The following SYNPO2 variants were observed in gnomAD, a reference collection of about 807,000 sequenced individuals.
SYNPO2 encodes synaptopodin 2.
A neutral mutation model predicts 85.0 loss-of-function variants in SYNPO2; 56 were observed. That is an observed-to-expected ratio of 0.66 (90% CI 0.53 to 0.82). The LOEUF is 0.82. SYNPO2 is among the 40% of genes least tolerant of loss of function. SYNPO2 has a pLI of 0.00. For missense variants in SYNPO2, 1,575 were observed against 1,534.2 expected (o/e 1.03, Z -0.44); for synonymous variants, 602 against 591.1 (o/e 1.02, Z -0.27).
chr4:118,855,124 C>CAA (rs71595325), intron 1 of SYNPO2, among the ~76,000 whole-genome samples: 2 of 137,278 alleles, frequency 1.5e-5, no homozygotes, highest in Admixed American at 7.0e-5. Flanking sequence ...TTTACTAAAG[C>CAA]AAAAAAAAAA....
chr4:118,932,635 C>T (rs912084613), intron 1 of SYNPO2, among the ~76,000 whole-genome samples: 3 of 152,216 alleles, frequency 2.0e-5, no homozygotes, highest in East Asian at 1.9e-4. Context: ...GGTTCACGTT[C>T]GGCAGAAAAT....
chr4:118,955,381 T>C (rs181993950), intron 1 of SYNPO2, among the ~76,000 whole-genome samples: 3 of 152,266 alleles, frequency 2.0e-5, no homozygotes, highest in Admixed American at 2.0e-4. Context: ...AAATGATAAT[T>C]CAGCAATATG....
At chr4:118,892,219 G>A (rs918477176) in intron 1 of SYNPO2, among the ~76,000 whole-genome samples, 4 of 151,980 alleles carry the variant, frequency 2.6e-5, no homozygotes, top group Admixed American at 2.6e-4. Context: ...TGTCATTGAC[G>A]GTTAAGCTCA....
At chr4:118,898,185 A>C (rs1306895926) in intron 1 of SYNPO2, among the ~76,000 whole-genome samples, 1 of 152,162 alleles carries the variant, frequency 6.6e-6, no homozygotes, top group Non-Finnish European at 1.5e-5. Flanking sequence ...AGTTCAAGAC[A>C]TATCAGAGGT....
chr4:119,020,153 C>T (rs1363631872), intron 1 of SYNPO2, among the ~76,000 whole-genome samples: 1 of 150,870 alleles, frequency 6.6e-6, no homozygotes, highest in Admixed American at 6.6e-5. Context: ...TTGAAGAGTT[C>T]TATAAAAAAT....
intron 1 of SYNPO2, among the ~76,000 whole-genome samples, chr4:119,018,833 G>A (rs1028685840): frequency 6.6e-6 from 1 of 152,148 alleles, no homozygotes; most frequent in Non-Finnish European, 1.5e-5. Flanking sequence ...ACAAAGAAAT[G>A]ATAAATATTT....
intron 1 of SYNPO2, among the ~76,000 whole-genome samples, chr4:118,915,791 A>G (rs544716551): frequency 4.6e-4 from 70 of 152,320 alleles, no homozygotes; most frequent in African/African-American, 1.6e-3. Flanking sequence ...TTACATTTCC[A>G]CCAACAATAT....
intron 1 of SYNPO2, among the ~76,000 whole-genome samples, chr4:118,926,166 G>T (rs736693): frequency 0.2 from 30,730 of 152,022 alleles, 3,258 homozygotes; most frequent in African/African-American, 0.27. Context: ...CGCAACTGGG[G>T]ATTATAGGAG....
chr4:118,940,774 G>C (rs1023519494), intron 1 of SYNPO2, among the ~76,000 whole-genome samples: 2 of 152,150 alleles, frequency 1.3e-5, no homozygotes, highest in African/African-American at 4.8e-5. Flanking sequence ...GAGTGAGGCT[G>C]GGAGGAAGTG....
chr4:119,014,816 T>C (rs1293556985), intron 1 of SYNPO2, among the ~76,000 whole-genome samples: 2 of 152,230 alleles, frequency 1.3e-5, no homozygotes, highest in Non-Finnish European at 2.9e-5. Context: ...TCTGATGTGA[T>C]TAAATCCCCC....
At chr4:118,994,338 G>T (rs747403195) in intron 1 of SYNPO2, among the ~76,000 whole-genome samples, 1 of 152,246 alleles carries the variant, frequency 6.6e-6, no homozygotes, top group Non-Finnish European at 1.5e-5. Context: ...TGAACATCTT[G>T]TAGAGGAGAG....
At chr4:118,972,473 T>G (rs1735575812) in intron 1 of SYNPO2, among the ~76,000 whole-genome samples, 1 of 152,136 alleles carries the variant, frequency 6.6e-6, no homozygotes, top group South Asian at 2.1e-4. Flanking sequence ...TTCTGAGATT[T>G]CAAGCAGAAT....
chr4:118,952,214 A>G (rs1305958476), intron 1 of SYNPO2, among the ~76,000 whole-genome samples: 4 of 152,240 alleles, frequency 2.6e-5, no homozygotes, highest in African/African-American at 9.6e-5. Context: ...GATGTATGCA[A>G]TCTGTCTATC....
In SYNPO2 at chr4:118,917,402, CA is replaced by C. The variant is rs553516906; in HGVS notation, c.105+28264del. Among the ~76,000 whole-genome samples, 650 of 152,002 alleles carry C rather than the reference CA, an allele frequency of 4.3e-3. 7 individuals carry two copies. Among genetic ancestry groups the C allele is most frequent in the Non-Finnish European group, 6.1e-3 (411 of 67,914 alleles). ...GTGAAACTCCATCTCGAACAGAAAA[CA>C]AACCAACCAACAAACAAAAAAAACA... On this transcript the variant is annotated intron_variant, in intron 1 of 4. Coordinates refer to ENST00000307142, the MANE Select transcript of SYNPO2 (RefSeq NM_133477.3).
chr4:118,869,203 C>T lies in SYNPO2; in HGVS notation c.12+18263C>T, dbSNP rs143994810. ...TCCCAAGTAGCTGGGATTACAGGCA[C>T]GCGCCACCACACCTGGCTTATTTTT... is the stretch of plus-strand genomic sequence containing the variant. On this transcript the variant is annotated intron_variant, in intron 1 of 4. Coordinates refer to the SYNPO2 transcript ENST00000610556. Among the ~76,000 whole-genome samples the T allele has an allele frequency of 5.7e-3, 864 of 152,136 alleles. 15 individuals are homozygous for T. In the East Asian group the frequency reaches 0.058, roughly 10 times the overall value.
At chr4:118,851,823 G>T (rs1731424217) in intron 1 of SYNPO2, among the ~76,000 whole-genome samples, 1 of 152,026 alleles carries the variant, frequency 6.6e-6, no homozygotes, top group African/African-American at 2.4e-5. Context: ...TACCATTTTG[G>T]TGGAAGTATG....
chr4:119,056,158 T>C (rs1304908523), intron 4 of SYNPO2, among the ~76,000 whole-genome samples: 3 of 152,236 alleles, frequency 2.0e-5, no homozygotes, highest in East Asian at 1.9e-4. Flanking sequence ...CTCATGCATA[T>C]TGGAATGTGT....
chr4:118,939,719 A>G (rs1185984021), intron 1 of SYNPO2, among the ~76,000 whole-genome samples: 1 of 152,186 alleles, frequency 6.6e-6, no homozygotes, highest in Non-Finnish European at 1.5e-5. Flanking sequence ...AATCTTTCTG[A>G]AATGCACATA....
At chr4:119,054,485 G>A (rs1489360943) in intron 4 of SYNPO2, among the ~76,000 whole-genome samples, 1 of 152,158 alleles carries the variant, frequency 6.6e-6, no homozygotes, top group Non-Finnish European at 1.5e-5. Flanking sequence ...GGCTCTCAGT[G>A]GAGAGAGGAG....
Sources: gnomAD v4.1 joint callset for allele counts (sites outside exome capture counted in the v4.1 genomes callset) on GRCh38, gnomAD v4.1.1 for gene constraint, MANE v1.5 for transcripts, NCBI Gene and HGNC (gene_info 2026-07-23, HGNC 2026-07-21) for gene names.